The following KHDRBS2 variants were observed in gnomAD, a reference collection of about 807,000 sequenced individuals.
KHDRBS2 encodes the protein KH RNA binding domain containing, signal transduction associated 2.
KHDRBS2 carries 26 observed loss-of-function variants against 44.3 expected under a neutral mutation model. The ratio of observed to expected loss-of-function variants is 0.59; its 90% CI spans 0.43 to 0.81. The LOEUF is 0.81. Ranked by LOEUF, KHDRBS2 falls within the 40% of genes least tolerant of loss-of-function variation. KHDRBS2 has a pLI of 0.00. For synonymous variants in KHDRBS2, 194 were observed against 151.1 expected (o/e 1.28, Z -2.08); for missense variants, 476 against 433.1 (o/e 1.10, Z -0.88).
chr6:62,091,108 T>A (rs540363233), intron 2 of KHDRBS2, among the ~76,000 whole-genome samples: 26 of 152,104 alleles, frequency 1.7e-4, no homozygotes, highest in African/African-American at 6.3e-4. Flanking sequence ...GGGTGCCTGA[T>A]TGGATGACCG....
intron 6 of KHDRBS2, among the ~76,000 whole-genome samples, chr6:61,829,877 T>C (rs1791519984): frequency 6.6e-6 from 1 of 152,142 alleles, no homozygotes; most frequent in South Asian, 2.1e-4. Flanking sequence ...ATGGCCAGAT[T>C]ACTCCAACTG....
intron 4 of KHDRBS2, among the ~76,000 whole-genome samples, chr6:61,962,011 C>A (rs1768856328): frequency 6.6e-6 from 1 of 151,824 alleles, no homozygotes; most frequent in Non-Finnish European, 1.5e-5. Context: ...AGAGAACCAA[C>A]CAGAACCTGT....
chr6:61,795,144 CAAAAAAAAAA>C (rs1166333660), intron 6 of KHDRBS2, among the ~76,000 whole-genome samples: 3 of 59,670 alleles, frequency 5.0e-5, no homozygotes, highest in East Asian at 5.7e-4. Context: ...GACTCCGTCT[CAAAAAAAAAA>C]AAAAAAAAAA....
chr6:61,735,380 AT>A (rs1188667198), intron 6 of KHDRBS2, among the ~76,000 whole-genome samples: 1 of 151,646 alleles, frequency 6.6e-6, no homozygotes, highest in Non-Finnish European at 1.5e-5. Context: ...ATGTATTATT[AT>A]TACTCCTTAA....
chr6:61,623,082 G>T, the KHDRBS2 span, among the ~76,000 whole-genome samples: 4 of 152,020 alleles, frequency 2.6e-5, no homozygotes, highest in South Asian at 8.3e-4. Flanking sequence ...AAATTAGATG[G>T]ACAGTCAATG....
chr6:62,189,643 A>G (rs1173112347), intron 1 of KHDRBS2, among the ~76,000 whole-genome samples: 3 of 152,086 alleles, frequency 2.0e-5, no homozygotes, highest in African/African-American at 4.8e-5. Flanking sequence ...ACCAGGTGAG[A>G]TATGATGAAG....
intron 5 of KHDRBS2, among the ~76,000 whole-genome samples, chr6:61,895,898 AGT>A (rs1272733564): frequency 6.6e-6 from 1 of 152,216 alleles, no homozygotes; most frequent in African/African-American, 2.4e-5. Context: ...TTAAAATAAA[AGT>A]GAGCATTTAT....
At chr6:61,840,063 C>A (rs559308776) in intron 6 of KHDRBS2, among the ~76,000 whole-genome samples, 1 of 152,068 alleles carries the variant, frequency 6.6e-6, no homozygotes, top group African/African-American at 2.4e-5. Context: ...TCAATTATTA[C>A]TAGAACAAAA....
Position 61,962,493 on chromosome 6 carries a change from T to C in KHDRBS2, c.483+15573A>G, listed in dbSNP as rs138678879. On this transcript the variant is annotated intron_variant, in intron 4 of 8. Transcript: ENST00000281156. Reference sequence around the variant, plus strand: ...TTATGTGTGGGAGGGGTCAAAGTTTTGCAAAGTTATTTTTTTTAATACTAA... The same window carrying C: ...TTATGTGTGGGAGGGGTCAAAGTTTCGCAAAGTTATTTTTTTTAATACTAA... Among the ~76,000 whole-genome samples, 355 of 152,190 alleles carry C rather than the reference T, an allele frequency of 2.3e-3. 2 individuals carry two copies. The highest frequency in any genetic ancestry group is 8.4e-3 in the African/African-American group (350 of 41,552).
intron 2 of KHDRBS2, among the ~76,000 whole-genome samples, chr6:62,167,234 G>A (rs1818885994): frequency 4.6e-5 from 7 of 151,992 alleles, no homozygotes; most frequent in Admixed American, 3.9e-4. Flanking sequence ...TAGAAAAGAA[G>A]GAGAGACTGG....
intron 6 of KHDRBS2, among the ~76,000 whole-genome samples, chr6:61,892,571 A>C (rs1802074211): frequency 6.6e-6 from 1 of 152,224 alleles, no homozygotes; most frequent in Admixed American, 6.5e-5. Flanking sequence ...CCAATGGAAC[A>C]GAACAGAGTC....
At chr6:62,215,534 G>T (rs1352091064) in intron 1 of KHDRBS2, among the ~76,000 whole-genome samples, 2 of 151,770 alleles carry the variant, frequency 1.3e-5, no homozygotes, top group Non-Finnish European at 2.9e-5. Flanking sequence ...AGGAGACATT[G>T]TGAAGATGCC....
intron 4 of KHDRBS2, among the ~76,000 whole-genome samples, chr6:61,964,430 G>A (rs1562540412): frequency 6.6e-6 from 1 of 151,922 alleles, no homozygotes. Context: ...AATTTCATTA[G>A]GGAGAGAAGA....
chr6:62,051,996 T>C (rs1355371910), intron 2 of KHDRBS2, among the ~76,000 whole-genome samples: 3 of 151,980 alleles, frequency 2.0e-5, no homozygotes, highest in Admixed American at 6.6e-5. Flanking sequence ...AAATTTTTAC[T>C]TGAGTGAGCA....
chr6:62,033,124 T>A (rs774168096), intron 3 of KHDRBS2, among the ~76,000 whole-genome samples: 1 of 151,482 alleles, frequency 6.6e-6, no homozygotes, highest in Non-Finnish European at 1.5e-5. Context: ...GCAGAAGAAA[T>A]AATTAGTGAG....
intron 2 of KHDRBS2, among the ~76,000 whole-genome samples, chr6:62,144,382 T>A (rs1409782194): frequency 6.6e-6 from 1 of 151,976 alleles, no homozygotes; most frequent in Non-Finnish European, 1.5e-5. Flanking sequence ...ACTAATATAG[T>A]TTTGAAATTA....
rs189083673 is a variant in KHDRBS2, at chr6:61,810,225, G to A, written c.811-77461C>T. ...ATCACTCCAGAATACTGAGAGCGAG[G>A]TCAGGTTACTAACTAGCCCAGCAGC... On this transcript the variant is annotated intron_variant, in intron 6 of 8. Coordinates refer to ENST00000281156, the MANE Select transcript of KHDRBS2 (RefSeq NM_152688.4). Among the ~76,000 whole-genome samples, 8 of 152,096 alleles carry A rather than the reference G, an allele frequency of 5.3e-5. No individual in the cohort carries two copies. The East Asian group carries it at 1.4e-3, about 26-fold the overall frequency.
chr6:61,594,548 C>T, the KHDRBS2 span, among the ~76,000 whole-genome samples: 1 of 151,984 alleles, frequency 6.6e-6, no homozygotes, highest in Non-Finnish European at 1.5e-5. Context: ...CTTAAAATGG[C>T]CATGGTTAGA....
intron 6 of KHDRBS2, among the ~76,000 whole-genome samples, chr6:61,840,294 G>A (rs1176349341): frequency 6.6e-6 from 1 of 151,952 alleles, no homozygotes; most frequent in Non-Finnish European, 1.5e-5. Context: ...CACAAAGCAG[G>A]TAATATAAAA....
Sources: allele counts gnomAD v4.1 joint callset (sites outside exome capture counted in the v4.1 genomes callset), GRCh38; gene constraint gnomAD v4.1.1; transcripts MANE v1.5; gene names NCBI Gene and HGNC (gene_info 2026-07-23, HGNC 2026-07-21).